The following GRIK1 variants were observed in gnomAD, a reference collection of about 807,000 sequenced individuals.
GRIK1 encodes the protein glutamate ionotropic receptor kainate type subunit 1, also known as glutamate receptor ionotropic, kainate 1.
A neutral mutation model predicts 105.7 loss-of-function variants in GRIK1; 69 were observed. The ratio of observed to expected loss-of-function variants is 0.65; its 90% confidence interval spans 0.54 to 0.80. The LOEUF is 0.80. Among genes scored for constraint, GRIK1 ranks in the 30% least tolerant of loss-of-function variants. The pLI, the probability that GRIK1 is intolerant of heterozygous loss-of-function variation, is 0.00. For synonymous variants in GRIK1, 438 were observed against 431.3 expected (o/e 1.02, Z -0.19); for missense variants, 1,109 against 1,167.3 (o/e 0.95, Z 0.73).
intron 16 of GRIK1, among the ~76,000 whole-genome samples, chr21:29,544,573 G>A (rs1464185887): frequency 6.6e-6 from 1 of 152,108 alleles, no homozygotes; most frequent in African/African-American, 2.4e-5. Flanking sequence ...TCAGGGTAGG[G>A]ATGATATAGA....
chr21:29,637,445 G>A (rs994123817), intron 7 of GRIK1, among the ~76,000 whole-genome samples: 1 of 152,202 alleles, frequency 6.6e-6, no homozygotes, highest in Non-Finnish European at 1.5e-5. Context: ...TATTCTGGTA[G>A]CTCATGCTGT....
intron 1 of GRIK1, among the ~76,000 whole-genome samples, chr21:29,710,234 G>C (rs2064011493): frequency 6.6e-6 from 1 of 151,974 alleles, no homozygotes; most frequent in Non-Finnish European, 1.5e-5. Flanking sequence ...TATTTGATCA[G>C]TGAGAGTTTT....
In GRIK1 at chr21:29,936,763, A is replaced by G. The variant is rs1347694634; in HGVS notation, c.118+2620T>C. Reference sequence around the variant, plus strand: ...CAAATATTCAGTATGCATGAATTTTATCTTAGCTTTTATCCTTTTCTCCAA... The same window carrying G: ...CAAATATTCAGTATGCATGAATTTTGTCTTAGCTTTTATCCTTTTCTCCAA... On this transcript the variant is annotated intron_variant, in intron 1 of 17. Coordinates refer to ENST00000327783, the MANE Select transcript of GRIK1 (RefSeq NM_001330994.2). Among the ~76,000 whole-genome samples, 8 of 152,250 alleles carry G rather than the reference A, an allele frequency of 5.3e-5. 1 individual carries two copies. The highest frequency in any genetic ancestry group is 4.6e-4 in the Admixed American group (7 of 15,282).
intron 1 of GRIK1, among the ~76,000 whole-genome samples, chr21:29,818,589 A>T (rs2067216612): frequency 6.6e-6 from 1 of 152,088 alleles, no homozygotes; most frequent in Admixed American, 6.6e-5. Flanking sequence ...TCATTATGGG[A>T]AAAGCTATTC....
At chr21:29,911,267 C>G (rs761957639) in intron 1 of GRIK1, among the ~76,000 whole-genome samples, 2 of 152,024 alleles carry the variant, frequency 1.3e-5, no homozygotes, top group Non-Finnish European at 2.9e-5. Flanking sequence ...TCATCAACTA[C>G]TATTTATTTG....
intron 1 of GRIK1, chr21:29,760,328 T>C (rs991241744): frequency 9.2e-5 from 14 of 152,068 alleles, no homozygotes. Context: ...GGCAAGAGAG[T>C]AAAGGTGGCA....
At chr21:29,596,291 G>A in intron 9 of GRIK1, 1 of 653,290 alleles carries the variant, frequency 1.5e-6, no homozygotes, top group Non-Finnish European at 2.8e-6. Flanking sequence ...AATAATCTTG[G>A]GGGAAATATT....
At chr21:29,819,759 G>C (rs553381292) in intron 1 of GRIK1, among the ~76,000 whole-genome samples, 1 of 152,092 alleles carries the variant, frequency 6.6e-6, no homozygotes, top group South Asian at 2.1e-4. Flanking sequence ...TAAAAGCTAC[G>C]AGAAGAATTC....
intron 1 of GRIK1, among the ~76,000 whole-genome samples, chr21:29,755,803 T>TGGTCTCCA (rs2065322615): frequency 6.6e-6 from 1 of 152,094 alleles, no homozygotes; most frequent in Admixed American, 6.5e-5. Context: ...CTTGGTCTTC[T>TGGTCTCCA]GGTCTCCAGA....
intron 7 of GRIK1, among the ~76,000 whole-genome samples, chr21:29,604,364 C>T (rs2061573590): frequency 6.6e-6 from 1 of 152,186 alleles, no homozygotes. Context: ...CCCTTACTGG[C>T]ACAATTACCC....
At chr21:29,915,062 C>A (rs1364518599) in intron 1 of GRIK1, among the ~76,000 whole-genome samples, 2 of 151,892 alleles carry the variant, frequency 1.3e-5, no homozygotes, top group Non-Finnish European at 2.9e-5. Context: ...AAAGTATCAT[C>A]AAAAAATGAC....
intron 1 of GRIK1, among the ~76,000 whole-genome samples, chr21:29,793,444 G>GCT (rs968154318): frequency 6.6e-6 from 1 of 151,348 alleles, no homozygotes; most frequent in African/African-American, 2.4e-5. Context: ...TGGAGTGCAT[G>GCT]CTCTCTCTCT....
intron 1 of GRIK1, among the ~76,000 whole-genome samples, chr21:29,802,000 A>AT (rs1453022340): frequency 6.6e-6 from 1 of 152,182 alleles, no homozygotes; most frequent in Non-Finnish European, 1.5e-5. Context: ...TTTCTCATTC[A>AT]TATCTTGGCA....
intron 7 of GRIK1, among the ~76,000 whole-genome samples, chr21:29,628,506 T>G (rs535345283): frequency 2.5e-4 from 38 of 152,242 alleles, no homozygotes; most frequent in Non-Finnish European, 4.1e-4. Flanking sequence ...GTCTATGCCA[T>G]GTACTCTGGG....
At chr21:29,752,523 G>A (rs2065231810) in intron 1 of GRIK1, among the ~76,000 whole-genome samples, 1 of 152,054 alleles carries the variant, frequency 6.6e-6, no homozygotes, top group South Asian at 2.1e-4. Flanking sequence ...ATTGTACAAA[G>A]TAAATTCAAA....
intron 4 of GRIK1, among the ~76,000 whole-genome samples, chr21:29,666,578 G>A (rs75135791): frequency 0.04 from 6,119 of 152,156 alleles, 295 homozygotes; most frequent in East Asian, 0.15. Context: ...TGCTTCCACT[G>A]TTGTATCTCC....
intron 1 of GRIK1, among the ~76,000 whole-genome samples, chr21:29,937,429 C>T (rs566336471): frequency 3.3e-5 from 5 of 152,296 alleles, no homozygotes; most frequent in African/African-American, 4.8e-5. Flanking sequence ...ACCTCATTAT[C>T]TTGTTGCATA....
chr21:29,864,883 C>T (rs983687005), intron 1 of GRIK1, among the ~76,000 whole-genome samples: 1 of 152,124 alleles, frequency 6.6e-6, no homozygotes, highest in African/African-American at 2.4e-5. Flanking sequence ...CTGGTAGTGT[C>T]TAAAGCCATT....
At chr21:29,814,203 G>A (rs896004840) in intron 1 of GRIK1, among the ~76,000 whole-genome samples, 18 of 150,332 alleles carry the variant, frequency 1.2e-4, no homozygotes, top group Non-Finnish European at 1.5e-5. Context: ...CACCTGCCTC[G>A]GCCTCCCAAA....
Sources: gnomAD v4.1 joint callset for allele counts (sites outside exome capture counted in the v4.1 genomes callset) on GRCh38, gnomAD v4.1.1 for gene constraint, MANE v1.5 for transcripts, NCBI Gene and HGNC (gene_info 2026-07-23, HGNC 2026-07-21) for gene names.